Variants in CHADL observed in about 807,000 individuals in gnomAD.
CHADL encodes the protein chondroadherin-like protein.
In CHADL, 48 loss-of-function variants were observed where a neutral mutation model predicts 52.1. That is an observed-to-expected ratio of 0.92 (90% CI 0.73 to 1.17). CHADL has a LOEUF of 1.17. Among genes scored for constraint, CHADL ranks in the 50% most tolerant of loss-of-function variants. The pLI is 0.00. For synonymous variants in CHADL, 498 were observed against 511.2 expected, an observed-to-expected ratio of 0.97 and a Z score of 0.35; for missense variants, 977 against 1,035.1, an observed-to-expected ratio of 0.94 and a Z score of 0.77.
In CHADL at chr22:41,234,364, CATTATT is replaced by C. The variant is rs71200674; in HGVS notation, c.2262+775_2262+780del. On this transcript the variant is annotated intron_variant, in intron 5 of 5. Transcript: ENST00000216241. ...GAGGAGGGAAGAACGGGAGGATGGA[CATTATT>C]ATTATTATTATTATTATTATTATTA... 1.4e-3 allele frequency among the ~76,000 whole-genome samples: 193 copies of C among 139,342 alleles called. 1 individual carries two copies. The highest frequency in any genetic ancestry group is 3.6e-3 in the Middle Eastern group (1 of 274). 91.4% of individuals were successfully genotyped at this position (139,342 alleles called of 152,430 possible).
At position 41,238,830 on chromosome 22, in the gene CHADL, G is replaced by GC. The variant is rs1187241413; in HGVS notation, c.241dup (p.Ala81GlyfsTer44). On this transcript the variant is annotated frameshift_variant, in exon 3 of 6. Transcript: ENST00000216241. LOFTEE classifies it high-confidence loss of function. The surrounding 1 kb of genome is among the most constrained non-coding windows in gnomAD (Gnocchi z 4.9). The stretch of plus-strand genomic sequence containing the variant: ...TGTGAGGTGAGGCACGCCCTGGAAG[G>GC]CGGCTGCGGGGATCACCTTCAGCAA... The GC allele has an allele frequency of 2.6e-6, 4 of 1,547,792 alleles. No homozygotes were observed. The highest frequency in any genetic ancestry group is 3.5e-6 in the Non-Finnish European group (4 of 1,145,298).
chr22:41,240,695 T>A (rs919000120), intron 1 of CHADL, 179 bp downstream of exon 1: 1 of 653,712 alleles, frequency 1.5e-6, no homozygotes, highest in Non-Finnish European at 2.6e-6. Flanking sequence ...TTCCTGGCAG[T>A]GGCCACATTG....
chr22:41,235,279 G>A lies in CHADL; in HGVS notation c.2128C>T (p.Gln710Ter), dbSNP rs2032719379. 6.4e-7 allele frequency: 1 copy of A among 1,551,282 alleles called. No homozygotes were observed. Among genetic ancestry groups the A allele is most frequent in the Non-Finnish European group, 8.7e-7 (1 of 1,146,998 alleles). Residue 710 changes from glutamine to a stop codon, truncating the protein, a stop_gained, in exon 5 of 6, where the codon CAG (glutamine) becomes TAG (stop). Transcript: ENST00000216241. LOFTEE classifies it high-confidence loss of function. Reference protein sequence around the residue: ...TCATPPNARGQRVKAAAAVFE... With the variant: ...TCATPPNARG ...ACAGCAGCTGCAGCCTTCACCCTCT[G>A]GCCACGGGCATTGGGAGGGGTGGCG...
In CHADL at chr22:41,236,621, C is replaced by A; in HGVS notation, c.1926G>T (p.Gly642=). ...GCAGGTGCAGGCTCTGGAGCCCGGG[C>A]CCCAGGCCTGAAAAGGCCCCAGGAC... is the stretch of plus-strand genomic sequence containing the variant. ...QICPGAFSGL[G]PGLQSLHLQK... Residue 642 remains glycine, a synonymous_variant, in exon 4 of 6, where the codon GGG becomes GGT. Transcript: ENST00000216241. The A allele has an allele frequency of 6.5e-7, 1 of 1,550,056 alleles. No homozygotes were observed.
In CHADL at chr22:41,238,058, C is replaced by G. The variant is rs2032781330; in HGVS notation, c.1014G>C (p.Gly338=). 3 of 1,274,342 alleles carry G rather than the reference C, an allele frequency of 2.4e-6. No homozygotes were observed. The highest frequency in any genetic ancestry group is 2.9e-6 in the Non-Finnish European group (3 of 1,018,156). The allele number at this position is 1,274,342 out of a possible 1,614,324, so 78.9% of individuals were successfully genotyped here. The change falls in exon 3 of 6, where the codon GGG becomes GGC. Residue 338 remains glycine, a synonymous_variant. Transcript: ENST00000216241. The surrounding 1 kb of genome is among the most constrained non-coding windows in gnomAD (Gnocchi z 4.9). ...GAGCCTCGCCCCGCAGGCGCCGCGG[C>G]CCCTGGCACGCGCCGTCCGAGCGCA... is the stretch of plus-strand genomic sequence containing the variant. The part of the protein sequence containing the change: ...ARVRSDGACQ[G]PRRLRGEALD...
intron 3 of CHADL, 28 bp downstream of exon 3, chr22:41,237,148 C>A: frequency 1.3e-6 from 2 of 1,515,286 alleles, no homozygotes; most frequent in South Asian, 1.3e-5. Flanking sequence ...GCCTCCTGCA[C>A]CAACCCCGCC....
chr22:41,232,671 A>C (rs2032645873), intron 5 of CHADL, among the ~76,000 whole-genome samples: 1 of 152,166 alleles, frequency 6.6e-6, no homozygotes, highest in Admixed American at 6.5e-5. Context: ...GGCTAGGTCA[A>C]ATGGCCTGAG....
intron 5 of CHADL, among the ~76,000 whole-genome samples, chr22:41,234,441 G>A (rs1157666584): frequency 6.6e-6 from 1 of 151,474 alleles, no homozygotes; most frequent in Non-Finnish European, 1.5e-5. Context: ...GGGTGCAGTG[G>A]CGTGATCTCT....
chr22:41,232,062 G>A (rs550264983), intron 5 of CHADL, among the ~76,000 whole-genome samples: 3 of 152,194 alleles, frequency 2.0e-5, no homozygotes, highest in Admixed American at 6.5e-5. Context: ...GCCGGGCGCG[G>A]TGGCTCACGC....
chr22:41,237,385 C>G lies in CHADL; in HGVS notation c.1687G>C (p.Gly563Arg). The change falls in exon 3 of 6, where the codon GGG becomes CGG. Residue 563 changes from glycine (G) to arginine (R), a missense_variant. Physicochemically the swap from Gly to Arg is moderately radical, Grantham distance 125 (BLOSUM62 -2). Coordinates refer to ENST00000216241, the MANE Select transcript of CHADL (RefSeq NM_138481.2). ...SGNRITEVSLGALGPARELEK... is the reference protein window; with the variant it reads ...SGNRITEVSLRALGPARELEK... Reference sequence around the variant, plus strand: ...AGCTCCCGAGCTGGGCCCAGCGCCCCAAGGGACACTTCGGTGATGCGGTTT... The same window carrying G: ...AGCTCCCGAGCTGGGCCCAGCGCCCGAAGGGACACTTCGGTGATGCGGTTT... The G allele has an allele frequency of 6.4e-7, 1 of 1,550,658 alleles. No individual in the cohort carries two copies. Among genetic ancestry groups the G allele is most frequent in the Non-Finnish European group, 8.7e-7 (1 of 1,146,966 alleles).
intron 4 of CHADL, 133 bp from the exon 5 acceptor site, chr22:41,235,476 G>A (rs73176651): frequency 4.3e-5 from 30 of 692,592 alleles, no homozygotes; most frequent in South Asian, 3.0e-4. Flanking sequence ...GCATTCATTC[G>A]CTCAACAAGC....
chr22:41,230,093 C>CCCCGGT, intron 5 of CHADL: 1 of 965,786 alleles, frequency 1.0e-6, no homozygotes. Context: ...CCACCCCTCC[C>CCCCGGT]AGAGTTATTT....
In CHADL at chr22:41,240,928, G is replaced by C; in HGVS notation, c.-47C>G. On this transcript the variant is annotated 5_prime_UTR_variant, in exon 1 of 6. Coordinates refer to ENST00000216241, the MANE Select transcript of CHADL (RefSeq NM_138481.2). ...AGCCTGGAGGCGCAGCGCAGGGACA[G>C]GCTGTCCCCGCCTGGCAGGAGCCCC... The C allele has an allele frequency of 6.5e-7, 1 of 1,536,646 alleles. No homozygotes were observed. The highest frequency in any genetic ancestry group is 8.8e-7 in the Non-Finnish European group (1 of 1,142,660).
At chr22:41,229,832 G>A (rs2032461099) in intron 5 of CHADL, 102 bp from the exon 6 acceptor site, 2 of 1,087,240 alleles carry the variant, frequency 1.8e-6, no homozygotes, top group Non-Finnish European at 2.8e-6. Context: ...GCCCCCAACT[G>A]TGAATGGAGC....
At chr22:41,230,296 C>T (rs2032513063) in intron 5 of CHADL, 5 of 1,404,588 alleles carry the variant, frequency 3.6e-6, no homozygotes, top group African/African-American at 1.4e-5. Flanking sequence ...GCCAGCCCAG[C>T]GTTTCTCTAC....
At chr22:41,230,392 G>A (rs765527716) in intron 5 of CHADL, 70 of 663,158 alleles carry the variant, frequency 1.1e-4, no homozygotes, top group Admixed American at 9.4e-4. Flanking sequence ...AGGCTGGACG[G>A]TGGAGGACCT....
At chr22:41,231,190 G>GAGGA (rs1209541101) in intron 5 of CHADL, 1 of 152,180 alleles carries the variant, frequency 6.6e-6, no homozygotes, top group Non-Finnish European at 1.5e-5. Flanking sequence ...GACAGAGCTG[G>GAGGA]AGGACACATC....
rs1403973319 is a variant in CHADL, at chr22:41,237,299, C to T, written c.1773G>A (p.Gly591=). The change falls in exon 3 of 6, where the codon GGG becomes GGA. Residue 591 remains glycine, a synonymous_variant. Coordinates refer to ENST00000216241, the MANE Select transcript of CHADL (RefSeq NM_138481.2). ...GCTGCAGCTCCAGGAGGGCAGGCAGCCCCTCCAAGGCCCCAGTGGGCACCT... is the reference window on the plus strand; with the variant it reads ...GCTGCAGCTCCAGGAGGGCAGGCAGTCCCTCCAAGGCCCCAGTGGGCACCT... ...LREVPTGALE[G]LPALLELQLS... 64 of 1,550,518 alleles carry T rather than the reference C, an allele frequency of 4.1e-5. No homozygotes were observed. Among genetic ancestry groups the T allele is most frequent in the Non-Finnish European group, 5.2e-5 (60 of 1,146,958 alleles).
At chr22:41,230,489 G>A (rs572079287) in intron 5 of CHADL, 20 of 502,142 alleles carry the variant, frequency 4.0e-5, no homozygotes, top group Admixed American at 2.2e-4. Context: ...CCCAGAACTC[G>A]TCTGTGAACC....
Sources: allele counts gnomAD v4.1 joint callset (sites outside exome capture counted in the v4.1 genomes callset), GRCh38; gene constraint gnomAD v4.1.1; non-coding constraint Gnocchi (gnomAD v3.1); transcripts MANE v1.5; gene names NCBI Gene and HGNC (gene_info 2026-07-23, HGNC 2026-07-21).